DOP1B: variants seen among roughly 807,000 people sequenced by gnomAD.
The protein encoded by DOP1B is protein DOP1B.
DOP1B carries 174 observed loss-of-function variants against 233.5 expected under a neutral mutation model. That is an observed-to-expected ratio of 0.75 (90% CI 0.66 to 0.85). The LOEUF (loss-of-function observed/expected upper bound fraction) is 0.85, where lower values mean the gene tolerates loss of function less well. Among genes scored for constraint, DOP1B ranks in the 40% least tolerant of loss-of-function variants. DOP1B has a pLI of 0.00. For synonymous variants in DOP1B, 1,190 were observed against 1,185.6 expected, an observed-to-expected ratio of 1.00 and a Z score of -0.08; for missense variants, 2,652 against 2,846.6, an observed-to-expected ratio of 0.93 and a Z score of 1.56.
intron 15 of DOP1B, among the ~76,000 whole-genome samples, chr21:36,236,428 A>G (rs1375516027): frequency 6.6e-6 from 1 of 152,242 alleles, no homozygotes; most frequent in African/African-American, 2.4e-5. Context: ...CTCTTTATCC[A>G]TGCTGCGTGG....
chr21:36,259,187 G>C (rs1238264316), intron 23 of DOP1B, among the ~76,000 whole-genome samples: 5 of 151,600 alleles, frequency 3.3e-5, no homozygotes, highest in Non-Finnish European at 5.9e-5. Context: ...GGATGGTCTC[G>C]ATCTCCTGAC....
intron 6 of DOP1B, 107 bp from the exon 7 acceptor site, chr21:36,211,867 C>T: frequency 6.5e-7 from 1 of 1,528,826 alleles, no homozygotes; most frequent in Non-Finnish European, 9.0e-7. Flanking sequence ...GGAACCAGCC[C>T]ATTTTGAGAT....
intron 2 of DOP1B, among the ~76,000 whole-genome samples, chr21:36,182,963 A>G (rs1043465795): frequency 1.5e-4 from 23 of 152,354 alleles, no homozygotes; most frequent in Admixed American, 7.8e-4. Flanking sequence ...CAGCCTTGGC[A>G]TGCTGTGGCA....
Position 36,246,986 on chromosome 21 carries a change from TCTC to T in DOP1B, c.4697+312_4697+314del, listed in dbSNP as rs2123596407. ...CCTCTGCCTCCCAGGTTCAAACAAT[TCTC>T]CTGTCTCAGCCTCCCGAGTAGCTGG... On this transcript the variant is annotated intron_variant, in intron 19 of 36. Coordinates refer to ENST00000691173, the MANE Select transcript of DOP1B (RefSeq NM_001320714.2). The surrounding 1 kb of genome is among the most constrained non-coding windows in gnomAD (Gnocchi z 5.1). Among the ~76,000 whole-genome samples, 1 of 152,258 alleles carries T rather than the reference TCTC, an allele frequency of 6.6e-6. No homozygotes were observed. The highest frequency in any genetic ancestry group is 2.1e-4 in the South Asian group (1 of 4,824).
chr21:36,171,404 G>GT (rs2123406777), intron 2 of DOP1B, among the ~76,000 whole-genome samples: 1 of 152,314 alleles, frequency 6.6e-6, no homozygotes, highest in African/African-American at 2.4e-5. Context: ...AAACCCTGGA[G>GT]TCTTAACCCT....
intron 2 of DOP1B, among the ~76,000 whole-genome samples, chr21:36,172,899 A>G (rs919583989): frequency 6.6e-6 from 1 of 152,070 alleles, no homozygotes. Context: ...CAGGTGGATA[A>G]CCTGAGGTCA....
rs571848297 is a variant in DOP1B, at chr21:36,193,323, G to A, written c.139-5747G>A. ...TTGGGTTTGATGAAGTGTGACAGTC[G>A]CGTAGAATGACTGGATGCGGGCTGT... On this transcript the variant is annotated intron_variant, in intron 2 of 36. Coordinates refer to ENST00000691173, the MANE Select transcript of DOP1B (RefSeq NM_001320714.2). Among the ~76,000 whole-genome samples the A allele has an allele frequency of 1.2e-4, 19 of 152,266 alleles. No homozygotes were observed. The East Asian group carries it at 2.7e-3, about 22-fold the overall frequency.
intron 32 of DOP1B, among the ~76,000 whole-genome samples, chr21:36,285,175 T>A (rs2067467977): frequency 6.6e-6 from 1 of 152,092 alleles, no homozygotes; most frequent in Non-Finnish European, 1.5e-5. Context: ...TTCTCCTGCC[T>A]CAGCCTCTCA....
rs2066948725 is a variant in DOP1B, at chr21:36,245,532, C to G, written c.3552C>G (p.Asp1184Glu). 3.1e-6 allele frequency: 5 copies of G among 1,613,546 alleles called. 1 individual carries two copies. In the Middle Eastern group the frequency reaches 6.6e-4, roughly 213 times the overall value. ...TAAGCCTGGTGCGGGTGGACTCGGA[C>G]AAGACGCAGGCTTCTGAGTCGTTCT... ...AKLSLVRVDS[D>E]KTQASESFSS... is the part of the protein sequence containing the mutation. Residue 1184 changes from aspartate (D) to glutamate (E), a missense_variant, in exon 19 of 37, where the codon GAC (aspartate) becomes GAG (glutamate). By Grantham distance (45) the Asp-to-Glu change is conservative (BLOSUM62 2). Around this residue, in one of 3 missense-constraint regions of DOP1B, gnomAD observed 2,617 missense variants for 2,794.3 expected, o/e 0.94. Transcript: ENST00000691173. This position sits in a 1 kb window ranked among gnomAD's most constrained non-coding sequence, Gnocchi z 5.5.
At chr21:36,217,272 G>C (rs2066570967) in intron 9 of DOP1B, among the ~76,000 whole-genome samples, 1 of 152,178 alleles carries the variant, frequency 6.6e-6, no homozygotes, top group South Asian at 2.1e-4. Flanking sequence ...CATGTTCCTG[G>C]AGTGTTTTTA....
rs746004004 is a variant in DOP1B at position 36,211,971 on chromosome 21, T to C, written c.781-3T>C. ...GCAGTAAATTTCTCTGTCCTTCTAA[T>C]AGGATTCCAATGAGAGAGCCATCCC... On this transcript the variant is annotated splice_polypyrimidine_tract_variant and splice_region_variant and intron_variant, in intron 6 of 36. Coordinates refer to ENST00000691173, the MANE Select transcript of DOP1B (RefSeq NM_001320714.2). 5 of 1,613,896 alleles carry C rather than the reference T, an allele frequency of 3.1e-6. No homozygotes were observed. Among genetic ancestry groups the C allele is most frequent in the Non-Finnish European group, 4.2e-6 (5 of 1,179,926 alleles).
At chr21:36,195,411 A>G (rs909237658) in intron 2 of DOP1B, among the ~76,000 whole-genome samples, 27 of 150,818 alleles carry the variant, frequency 1.8e-4, no homozygotes, top group African/African-American at 6.1e-4. Context: ...GTGCACGCCT[A>G]TAACCCTGGC....
intron 4 of DOP1B, among the ~76,000 whole-genome samples, chr21:36,201,391 A>AGGCT (rs1288019693): frequency 9.0e-6 from 1 of 111,502 alleles, no homozygotes; most frequent in East Asian, 2.5e-4. Flanking sequence ...TCTATCACCC[A>AGGCT]GGCTGGAGTG....
At chr21:36,257,902 T>C (rs776861247) in intron 23 of DOP1B, among the ~76,000 whole-genome samples, 6 of 150,578 alleles carry the variant, frequency 4.0e-5, no homozygotes, top group Non-Finnish European at 7.4e-5. Context: ...TAGGTAGATG[T>C]AGGTAGGTAG....
chr21:36,206,164 T>A (rs966972951), intron 4 of DOP1B, among the ~76,000 whole-genome samples: 1 of 152,250 alleles, frequency 6.6e-6, no homozygotes, highest in Non-Finnish European at 1.5e-5. Flanking sequence ...TTTGTCATAG[T>A]TGCTGTTGTT....
Position 36,232,883 on chromosome 21 carries a change from G to C in DOP1B, c.2430G>C (p.Gln810His). The C allele has an allele frequency of 1.2e-6, 2 of 1,613,872 alleles. No homozygotes were observed. The highest frequency in any genetic ancestry group is 1.7e-6 in the Non-Finnish European group (2 of 1,179,982). ...GCTGTGTGACTGACTGCTACCTCCA[G>C]AACGTGGCCATTTCCACTCTGCTGG... is the stretch of plus-strand genomic sequence containing the variant. ...ICCCVTDCYL[Q>H]NVAISTLLEV... The change falls in exon 15 of 37, where the codon CAG (glutamine) becomes CAC (histidine). Residue 810 changes from glutamine to histidine, a missense_variant. Physicochemically the swap from Gln to His is conservative, Grantham distance 24. Transcript: ENST00000691173.
At chr21:36,253,670 A>C in intron 22 of DOP1B, 102 bp from the exon 23 acceptor site, 2 of 1,250,492 alleles carry the variant, frequency 1.6e-6, no homozygotes, top group Admixed American at 2.4e-5. Context: ...AAACAGATTG[A>C]TTTCTCCAGG....
rs2067029561 is a variant in DOP1B at position 36,251,237 on chromosome 21, G to A, written c.5074G>A (p.Ala1692Thr). 2 of 1,613,892 alleles carry A rather than the reference G, an allele frequency of 1.2e-6. No individual in the cohort carries two copies. The highest frequency in any genetic ancestry group is 4.5e-5 in the East Asian group (2 of 44,876). The change falls in exon 22 of 37, where the codon GCG (alanine) becomes ACG (threonine). Residue 1692 changes from alanine (A) to threonine (T), a missense_variant. Physicochemically the swap from Ala to Thr is moderately conservative, Grantham distance 58 (BLOSUM62 0). This residue lies in a region of DOP1B where 2,617 missense variants were observed against 2,794.3 expected (regional missense o/e 0.94). Coordinates refer to ENST00000691173, the MANE Select transcript of DOP1B (RefSeq NM_001320714.2). ...HLGVQLTAAVAAVWSRKKAQR... is the reference protein window; with the variant it reads ...HLGVQLTAAVTAVWSRKKAQR... ...TGGGGTTCAGTTGACAGCGGCTGTT[G>A]CGGCAGTGTGGAGCAGAAAGAAAGC...
intron 26 of DOP1B, 96 bp from the exon 27 acceptor site, chr21:36,269,917 G>C: frequency 7.8e-7 from 1 of 1,281,496 alleles, no homozygotes. Flanking sequence ...CACAGCTGTG[G>C]CCTGCATTTT....
Sources: allele counts gnomAD v4.1 joint callset (sites outside exome capture counted in the v4.1 genomes callset), GRCh38; gene constraint gnomAD v4.1.1; regional missense constraint gnomAD v4.1.1; non-coding constraint Gnocchi (gnomAD v3.1); transcripts MANE v1.5; gene names NCBI Gene and HGNC (gene_info 2026-07-23, HGNC 2026-07-21).